ERCC3: variants seen among roughly 807,000 people sequenced by gnomAD.
ERCC3 encodes general transcription and DNA repair factor IIH helicase/translocase subunit XPB.
In ERCC3, 66 loss-of-function variants were observed where a neutral mutation model predicts 94.2. The observed-to-expected ratio is 0.70, with a 90% CI of 0.57 to 0.86. The LOEUF (loss-of-function observed/expected upper bound fraction) is 0.86. ERCC3 is among the 40% of genes least tolerant of loss of function. The pLI is 0.00. For missense variants in ERCC3, 829 were observed against 987.1 expected, an observed-to-expected ratio of 0.84 and a Z score of 2.15; for synonymous variants, 349 against 369.1, an observed-to-expected ratio of 0.95 and a Z score of 0.63.
In ERCC3 at chr2:127,286,733, T is replaced by G. The variant is rs1352250300; in HGVS notation, c.1312A>C (p.Met438Leu). The change falls in exon 8 of 15, where the codon ATG (methionine) becomes CTG (leucine). Residue 438 changes from methionine (M) to leucine (L), a missense_variant. Physicochemically the swap from Met to Leu is conservative, Grantham distance 15. Coordinates refer to ENST00000285398, the MANE Select transcript of ERCC3 (RefSeq NM_000122.2). ...EWLKTQEWGL[M>L]ILDEVHTIPA... is the part of the protein sequence containing the mutation. ...ATGGTGTGCACTTCATCCAGGATCA[T>G]GAGGCCCCACTCCTGGGTCTTGAGC... The G allele has an allele frequency of 6.2e-7, 1 of 1,613,954 alleles. No homozygotes were observed. Among genetic ancestry groups the G allele is most frequent in the Admixed American group, 1.7e-5 (1 of 59,992 alleles).
In ERCC3 at chr2:127,289,402, C is replaced by T. The variant is rs765891376; in HGVS notation, c.757G>A (p.Glu253Lys). 7 of 1,613,528 alleles carry T rather than the reference C, an allele frequency of 4.3e-6. No individual in the cohort carries two copies. The South Asian group carries it at 4.4e-5, about 10-fold the overall frequency. Residue 253 changes from glutamate (E) to lysine (K), a missense_variant, in exon 6 of 15, where the codon GAG becomes AAG. Physicochemically the swap from Glu to Lys is moderately conservative, Grantham distance 56. Transcript: ENST00000285398. Reference sequence around the variant, plus strand: ...TCTTCTTCATCCTTGTCCATTTGCTCATAGAAGTCAAACAGGTCCATGGGG... The same window carrying T: ...TCTTCTTCATCCTTGTCCATTTGCTTATAGAAGTCAAACAGGTCCATGGGG... ...DIPMDLFDFYEQMDKDEEEEE... is the reference protein window; with the variant it reads ...DIPMDLFDFYKQMDKDEEEEE...
In ERCC3 at chr2:127,257,621, G is replaced by A. The variant is rs114613120; in HGVS notation, c.2324C>T (p.Pro775Leu). 9.9e-6 allele frequency: 16 copies of A among 1,614,094 alleles called. No individual in the cohort carries two copies. The highest frequency in any genetic ancestry group is 1.3e-5 in the African/African-American group (1 of 75,038). The change falls in exon 15 of 15, where the codon CCG becomes CTG. Residue 775 changes from proline to leucine, a missense_variant. By Grantham distance (98) the Pro-to-Leu change is moderately conservative (BLOSUM62 -3). Transcript: ENST00000285398. This position sits in a 1 kb window ranked among gnomAD's most constrained non-coding sequence, Gnocchi z 5.4. ...RSKAPSKHVH[P>L]LFKRFRK ...TCATTTCCTAAAGCGCTTGAAGAGC[G>A]GGTGTACATGTTTGCTGGGCGCCTT...
intron 10 of ERCC3, 30 bp from the exon 11 acceptor site, chr2:127,272,991 C>T (rs761918113): frequency 1.4e-5 from 18 of 1,301,754 alleles, no homozygotes; most frequent in Non-Finnish European, 2.0e-5. Context: ...TGTTAGACCA[C>T]AGAATAATGC....
At chr2:127,287,676 CT>C (rs1685124140) in intron 7 of ERCC3, among the ~76,000 whole-genome samples, 1 of 152,122 alleles carries the variant, frequency 6.6e-6, no homozygotes, top group Non-Finnish European at 1.5e-5. Context: ...CTGAGGAGTA[CT>C]TTACCTTGCC....
intron 7 of ERCC3, among the ~76,000 whole-genome samples, chr2:127,288,111 C>T (rs773459083): frequency 3.3e-5 from 5 of 152,076 alleles, no homozygotes; most frequent in Non-Finnish European, 5.9e-5. Context: ...TGGTCTCTGG[C>T]CAAGAAGCTA....
intron 13 of ERCC3, 167 bp downstream of exon 13, chr2:127,261,061 C>T: frequency 1.5e-6 from 1 of 665,528 alleles, no homozygotes; most frequent in Admixed American, 2.1e-5. Flanking sequence ...TTTCCACCAA[C>T]AGCTGCCCTC....
At position 127,286,689 on chromosome 2, in the gene ERCC3, T is replaced by G. The variant is rs1222938596; in HGVS notation, c.1342+14A>C. On this transcript the variant is annotated intron_variant, in intron 8 of 14. Transcript: ENST00000285398. ...CTGTTCAGCAAGTGGACAGCTCAGC[T>G]CCAGCCTGCTTACCTGGTATGGTGT... 2 of 1,613,184 alleles carry G rather than the reference T, an allele frequency of 1.2e-6. No homozygotes were observed. Among genetic ancestry groups the G allele is most frequent in the African/African-American group, 2.7e-5 (2 of 74,906 alleles).
rs41553418 is a variant in ERCC3, at chr2:127,261,264, C to T, written c.2028G>A (p.Arg676=). ...DTQEMAYSTK[R]QRFLVDQGYS... is the part of the protein sequence containing the mutation. Reference sequence around the variant, plus strand: ...AACCTTGATCTACCAAGAATCTCTGCCGCTTGGTTGAGTAAGCCATTTCCT... The same window carrying T: ...AACCTTGATCTACCAAGAATCTCTGTCGCTTGGTTGAGTAAGCCATTTCCT... The change falls in exon 13 of 15, where the codon CGG becomes CGA. Residue 676 remains arginine, a synonymous_variant. Coordinates refer to ENST00000285398, the MANE Select transcript of ERCC3 (RefSeq NM_000122.2). 1.9e-6 allele frequency: 3 copies of T among 1,612,414 alleles called. No individual in the cohort carries two copies. Among genetic ancestry groups the T allele is most frequent in the Middle Eastern group, 1.6e-4 (1 of 6,082 alleles).
At chr2:127,265,930 A>C (rs1437674268) in intron 12 of ERCC3, among the ~76,000 whole-genome samples, 1 of 152,178 alleles carries the variant, frequency 6.6e-6, no homozygotes, top group African/African-American at 2.4e-5. Context: ...TCAGTGCTAT[A>C]AACTTTCCTA....
chr2:127,280,811 C>G lies in ERCC3; in HGVS notation c.1343-180G>C. On this transcript the variant is annotated intron_variant, in intron 8 of 14. Transcript: ENST00000285398. The surrounding 1 kb of genome is among the most constrained non-coding windows in gnomAD (Gnocchi z 6.3). ...CAAAGTGCTGGGATTACAGACGTGACCCACTGCACCCAGCCTACACTGTCA... is the reference window on the plus strand; with the variant it reads ...CAAAGTGCTGGGATTACAGACGTGAGCCACTGCACCCAGCCTACACTGTCA... The G allele has an allele frequency of 4.1e-5, 26 of 627,044 alleles. No individual in the cohort carries two copies. Among genetic ancestry groups the G allele is most frequent in the Non-Finnish European group, 5.9e-5 (21 of 356,396 alleles). The allele number at this position is 627,044 out of a possible 1,614,324, so 38.8% of individuals were successfully genotyped here.
rs1458243351 is a variant in ERCC3 at position 127,292,627 on chromosome 2, T to A, written c.454A>T (p.Ile152Phe). ...TCACTTGCCTTAATAAACTGCATAATTCCATCAGGGACTCCAGTCTTGCTG... is the reference window on the plus strand; with the variant it reads ...TCACTTGCCTTAATAAACTGCATAAATCCATCAGGGACTCCAGTCTTGCTG... ...KLSKTGVPDG[I>F]MQFIKLCTVS... The change falls in exon 3 of 15, where the codon ATT becomes TTT. Residue 152 changes from isoleucine to phenylalanine, a missense_variant. By Grantham distance (21) the Ile-to-Phe change is conservative. Coordinates refer to ENST00000285398, the MANE Select transcript of ERCC3 (RefSeq NM_000122.2). The A allele has an allele frequency of 6.2e-7, 1 of 1,612,570 alleles. No homozygotes were observed. The highest frequency in any genetic ancestry group is 8.5e-7 in the Non-Finnish European group (1 of 1,178,584).
In ERCC3 at chr2:127,294,114, G is replaced by A. The variant is rs768090828; in HGVS notation, c.-33C>T. ...ACAGCAGCAGAGAGAAGATGACCCCGCTCCCACAGGCCCGCCGCGGCATCC... is the reference window on the plus strand; with the variant it reads ...ACAGCAGCAGAGAGAAGATGACCCCACTCCCACAGGCCCGCCGCGGCATCC... On this transcript the variant is annotated 5_prime_UTR_variant, in exon 1 of 15. Transcript: ENST00000285398. 21 of 1,601,990 alleles carry A rather than the reference G, an allele frequency of 1.3e-5. No individual in the cohort carries two copies. The highest frequency in any genetic ancestry group is 5.5e-5 in the South Asian group (5 of 90,628).
rs1460103787 is a variant in ERCC3, at chr2:127,264,339, G to A, written c.1946-2993C>T. ...AAATTAGCTGGGCATGGTGGTGCGT[G>A]CCTGTAGTCCCAGCTACTTGGGAGG... is the stretch of plus-strand genomic sequence containing the variant. On this transcript the variant is annotated intron_variant, in intron 12 of 14. Coordinates refer to ENST00000285398, the MANE Select transcript of ERCC3 (RefSeq NM_000122.2). The surrounding 1 kb of genome is among the most constrained non-coding windows in gnomAD (Gnocchi z 4.4). Among the ~76,000 whole-genome samples, 2 of 152,124 alleles carry A rather than the reference G, an allele frequency of 1.3e-5. No individual in the cohort carries two copies. Among genetic ancestry groups the A allele is most frequent in the Non-Finnish European group, 1.5e-5 (1 of 68,026 alleles).
At position 127,286,885 on chromosome 2, in the gene ERCC3, C is replaced by T. The variant is rs1402884340; in HGVS notation, c.1160G>A (p.Ser387Asn). ...ATCGGAGGTGAACCGGCAGATCTGGCTGTCGTCAATGGTGGACCACATCTT... is the reference window on the plus strand; with the variant it reads ...ATCGGAGGTGAACCGGCAGATCTGGTTGTCGTCAATGGTGGACCACATCTT... ...QFKMWSTIDD[S>N]QICRFTSDAK... Residue 387 changes from serine to asparagine, a missense_variant, in exon 8 of 15, where the codon AGC becomes AAC. Transcript: ENST00000285398. 1.9e-6 allele frequency: 3 copies of T among 1,614,212 alleles called. No homozygotes were observed. Among genetic ancestry groups the T allele is most frequent in the Non-Finnish European group, 2.5e-6 (3 of 1,180,044 alleles).
intron 12 of ERCC3, among the ~76,000 whole-genome samples, chr2:127,269,672 G>C (rs62157508): frequency 0.75 from 113,266 of 150,412 alleles, 42,867 homozygotes; most frequent in East Asian, 1. Flanking sequence ...CTGCCTGCCT[G>C]GGCCTCCCAA....
At chr2:127,268,826 A>G (rs1684461028) in intron 12 of ERCC3, among the ~76,000 whole-genome samples, 1 of 152,200 alleles carries the variant, frequency 6.6e-6, no homozygotes. Flanking sequence ...TCCCTTGCTT[A>G]AATTAATAAC....
In ERCC3 at chr2:127,264,750, C is replaced by A. The variant is rs888072051; in HGVS notation, c.1946-3404G>T. The stretch of plus-strand genomic sequence containing the variant: ...TTTGGTATCAGGATGATAGTGGTTT[C>A]GTAGTATGAGTTAGGAAGAAGTCTC... On this transcript the variant is annotated intron_variant, in intron 12 of 14. Coordinates refer to ENST00000285398, the MANE Select transcript of ERCC3 (RefSeq NM_000122.2). This position sits in a 1 kb window ranked among gnomAD's most constrained non-coding sequence, Gnocchi z 4.4. Among the ~76,000 whole-genome samples the A allele has an allele frequency of 1.3e-5, 2 of 151,660 alleles. No homozygotes were observed. Among genetic ancestry groups the A allele is most frequent in the African/African-American group, 4.8e-5 (2 of 41,266 alleles).
At position 127,288,873 on chromosome 2, in the gene ERCC3, A is replaced by G. The variant is rs1685169428; in HGVS notation, c.823-9T>C. On this transcript the variant is annotated splice_polypyrimidine_tract_variant and intron_variant, in intron 6 of 14. Coordinates refer to ENST00000285398, the MANE Select transcript of ERCC3 (RefSeq NM_000122.2). ...AGTTCCTCAATCATTTCCTGGAAAGAGGGCACAAAAGGGGTTTTAAAATCT... is the reference window on the plus strand; with the variant it reads ...AGTTCCTCAATCATTTCCTGGAAAGGGGGCACAAAAGGGGTTTTAAAATCT... 2 of 1,604,062 alleles carry G rather than the reference A, an allele frequency of 1.2e-6. No homozygotes were observed. Among genetic ancestry groups the G allele is most frequent in the Admixed American group, 1.7e-5 (1 of 59,986 alleles).
rs1360824163 is a variant in ERCC3, at chr2:127,257,355, T to A, written c.*241A>T. 1.8e-6 allele frequency: 1 copy of A among 558,972 alleles called. No individual in the cohort carries two copies. The highest frequency in any genetic ancestry group is 3.3e-6 in the Non-Finnish European group (1 of 303,382). The allele number at this position is 558,972 out of a possible 1,614,324, so 34.6% of individuals were successfully genotyped here. A position where few individuals can be genotyped will look rare whatever the true frequency, so the allele number is the denominator to read the frequency against. ...ATAAATACACCTTAAATATTAACAT[T>A]TTTTATATACAGAAATGACCCCACT... is the stretch of plus-strand genomic sequence containing the variant. On this transcript the variant is annotated 3_prime_UTR_variant, in exon 15 of 15. Coordinates refer to ENST00000285398, the MANE Select transcript of ERCC3 (RefSeq NM_000122.2). The surrounding 1 kb of genome is among the most constrained non-coding windows in gnomAD (Gnocchi z 5.4).
Sources: allele counts gnomAD v4.1 joint callset (sites outside exome capture counted in the v4.1 genomes callset), GRCh38; gene constraint gnomAD v4.1.1; non-coding constraint Gnocchi (gnomAD v3.1); transcripts MANE v1.5; gene names NCBI Gene and HGNC (gene_info 2026-07-23, HGNC 2026-07-21).